Variants in KIAA0319L observed in about 807,000 individuals in gnomAD.
KIAA0319L encodes dyslexia-associated protein KIAA0319-like protein.
Under a neutral mutation model 120.1 loss-of-function variants are expected in KIAA0319L, and 55 were observed. The observed-to-expected ratio is 0.46, with a 90% confidence interval of 0.37 to 0.57. KIAA0319L has a LOEUF of 0.57. Among genes scored for constraint, KIAA0319L ranks in the 20% least tolerant of loss-of-function variants. The pLI is 0.00. For missense variants in KIAA0319L, 1,049 were observed against 1,255.3 expected (o/e 0.84, Z 2.48); for synonymous variants, 398 against 471.9 (o/e 0.84, Z 2.03).
Position 35,441,075 on chromosome 1 carries a change from G to C in KIAA0319L, c.2934C>G (p.Ser978Arg). The part of the protein sequence containing the change: ...YKILDATDQE[S>R]LELKPTSRAG... The stretch of plus-strand genomic sequence containing the variant: ...CTCGGGAGGTTGGCTTCAGCTCCAG[G>C]CTTTCCTGATCCGTGGCATCCAGGA... Residue 978 changes from serine (S) to arginine (R), a missense_variant, in exon 20 of 21, where the codon AGC (serine) becomes AGG (arginine). Transcript: ENST00000325722. 6.2e-7 allele frequency: 1 copy of C among 1,614,152 alleles called. No individual in the cohort carries two copies. Among genetic ancestry groups the C allele is most frequent in the Non-Finnish European group, 8.5e-7 (1 of 1,180,010 alleles).
chr1:35,484,802 A>ATTTT (rs1335474741), intron 3 of KIAA0319L, among the ~76,000 whole-genome samples: 2 of 14,112 alleles, frequency 1.4e-4, no homozygotes, highest in African/African-American at 5.0e-4. Flanking sequence ...ATATATATAT[A>ATTTT]TATATTTTTT....
At chr1:35,542,822 GTTGT>G (rs879837398) in intron 2 of KIAA0319L, among the ~76,000 whole-genome samples, 1 of 152,140 alleles carries the variant, frequency 6.6e-6, no homozygotes, top group Non-Finnish European at 1.5e-5. Flanking sequence ...CCCTGCAATT[GTTGT>G]TTGTTTTTAT....
chr1:35,478,193 C>A (rs1643987931), intron 4 of KIAA0319L, among the ~76,000 whole-genome samples: 1 of 147,904 alleles, frequency 6.8e-6, no homozygotes, highest in South Asian at 2.1e-4. Flanking sequence ...ATCTAAAAAT[C>A]AAAACAACTG....
rs534669831 is a variant in KIAA0319L, at chr1:35,437,389, C to T, written c.2963-2308G>A. ...AACGCACCACTCCTCTACCTGCATT[C>T]GACATTGCCACCCACAGATCTGTTC... On this transcript the variant is annotated intron_variant, in intron 20 of 20. Transcript: ENST00000325722. The surrounding 1 kb of genome is among the most constrained non-coding windows in gnomAD (Gnocchi z 4.1). Among the ~76,000 whole-genome samples the T allele has an allele frequency of 2.0e-5, 3 of 152,300 alleles. No homozygotes were observed. The highest frequency in any genetic ancestry group is 2.1e-4 in the South Asian group (1 of 4,822).
chr1:35,471,988 T>C (rs1643654647), intron 5 of KIAA0319L, among the ~76,000 whole-genome samples: 1 of 152,162 alleles, frequency 6.6e-6, no homozygotes, highest in African/African-American at 2.4e-5. Context: ...TAGTATGTAG[T>C]AGTTATGTTA....
At chr1:35,487,257 CTT>C (rs879608734) in intron 3 of KIAA0319L, among the ~76,000 whole-genome samples, 3 of 143,048 alleles carry the variant, frequency 2.1e-5, no homozygotes, top group Non-Finnish European at 4.6e-5. Context: ...GTTCTCACAA[CTT>C]TTTTTTTTTT....
chr1:35,489,828 G>A (rs368911664), intron 3 of KIAA0319L, among the ~76,000 whole-genome samples: 19 of 151,744 alleles, frequency 1.3e-4, no homozygotes, highest in East Asian at 9.7e-4. Context: ...CACTGTGCCC[G>A]GCTAATTTTT....
intron 2 of KIAA0319L, among the ~76,000 whole-genome samples, chr1:35,546,570 G>A (rs759806606): frequency 3.9e-5 from 6 of 152,200 alleles, no homozygotes; most frequent in Non-Finnish European, 8.8e-5. Flanking sequence ...AATCTTTCAC[G>A]AAGAACAGTG....
At chr1:35,531,618 G>T (rs758103650) in intron 2 of KIAA0319L, among the ~76,000 whole-genome samples, 3 of 152,190 alleles carry the variant, frequency 2.0e-5, no homozygotes, top group African/African-American at 4.8e-5. Flanking sequence ...GCACTCTCTC[G>T]TGGCTAGGAT....
chr1:35,533,156 T>C lies in KIAA0319L; in HGVS notation c.142+21194A>G, dbSNP rs145445454. The C allele has an allele frequency of 7.2e-5, 11 of 152,356 alleles. No homozygotes were observed. The East Asian group carries it at 2.1e-3, about 29-fold the overall frequency. 9.4% of individuals were successfully genotyped at this position (152,356 alleles called of 1,614,324 possible). ...CTGGAAATATTTAAAGACAGTGCTG[T>C]TGGCTCTGGCATTCTTAAATCTCAG... is the stretch of plus-strand genomic sequence containing the variant. On this transcript the variant is annotated intron_variant, in intron 2 of 20. Transcript: ENST00000325722.
At chr1:35,460,925 C>G (rs995125158) in intron 8 of KIAA0319L, among the ~76,000 whole-genome samples, 1 of 152,098 alleles carries the variant, frequency 6.6e-6, no homozygotes, top group Non-Finnish European at 1.5e-5. Flanking sequence ...TTTATCTCTG[C>G]CCCTGCGATT....
intron 5 of KIAA0319L, among the ~76,000 whole-genome samples, 187 bp downstream of exon 5, chr1:35,474,618 G>C (rs182160204): frequency 2.0e-5 from 3 of 152,212 alleles, no homozygotes; most frequent in African/African-American, 7.2e-5. Flanking sequence ...TTCCTGACAG[G>C]AAGTCAGAGG....
chr1:35,547,523 G>A (rs1261443370), intron 2 of KIAA0319L, among the ~76,000 whole-genome samples: 1 of 151,940 alleles, frequency 6.6e-6, no homozygotes, highest in African/African-American at 2.4e-5. Flanking sequence ...AAACAAAAGT[G>A]GCATATCCAT....
At chr1:35,511,022 T>C (rs1231054557) in intron 2 of KIAA0319L, 2 of 152,132 alleles carry the variant, frequency 1.3e-5, no homozygotes, top group East Asian at 3.9e-4. Flanking sequence ...GTGTAATAAA[T>C]ACAGAAAAGC....
chr1:35,467,263 A>G (rs1322557667), intron 6 of KIAA0319L, among the ~76,000 whole-genome samples: 10 of 152,100 alleles, frequency 6.6e-5, no homozygotes. Context: ...AATAATCATC[A>G]CTTCAAAGAA....
chr1:35,450,134 CG>C (rs912826425), intron 14 of KIAA0319L, 129 bp from the exon 15 acceptor site: 17 of 1,170,662 alleles, frequency 1.5e-5, no homozygotes, highest in Non-Finnish European at 2.0e-5. Flanking sequence ...GTTCCTGATA[CG>C]GAACAGCATT....
At chr1:35,451,859 C>A in intron 12 of KIAA0319L, 83 bp from the exon 13 acceptor site, 1 of 1,421,110 alleles carries the variant, frequency 7.0e-7, no homozygotes. Context: ...GACAATGACT[C>A]CCTCAGCAAA....
intron 4 of KIAA0319L, among the ~76,000 whole-genome samples, chr1:35,477,452 G>A (rs1309615619): frequency 6.6e-6 from 1 of 152,150 alleles, no homozygotes; most frequent in Non-Finnish European, 1.5e-5. Flanking sequence ...CGGATCACAA[G>A]GTCAGGAGAT....
At chr1:35,488,388 A>G (rs1174202866) in intron 3 of KIAA0319L, among the ~76,000 whole-genome samples, 2 of 152,178 alleles carry the variant, frequency 1.3e-5, no homozygotes, top group Non-Finnish European at 2.9e-5. Context: ...GTCTGAGATG[A>G]CACCCATGTT....
Sources: gnomAD v4.1 joint callset for allele counts (sites outside exome capture counted in the v4.1 genomes callset) on GRCh38, gnomAD v4.1.1 for gene constraint, Gnocchi (gnomAD v3.1) non-coding constraint, MANE v1.5 for transcripts, NCBI Gene and HGNC (gene_info 2026-07-23, HGNC 2026-07-21) for gene names.